Variants in PCDH15 observed in about 807,000 individuals in gnomAD.
PCDH15 encodes the protein protocadherin-15.
Under a neutral mutation model 178.5 loss-of-function variants are expected in PCDH15, and 129 were observed. The observed-to-expected ratio is 0.72, with a 90% CI of 0.63 to 0.84. The LOEUF (loss-of-function observed/expected upper bound fraction) is 0.84. Among genes scored for constraint, PCDH15 ranks in the 40% least tolerant of loss-of-function variants. The probability of loss-of-function intolerance (pLI) is 0.00; values close to 1 mark genes in which losing one functional copy is unlikely to be tolerated. For missense variants in PCDH15, 2,230 were observed against 2,099.9 expected (o/e 1.06, Z -1.21); for synonymous variants, 800 against 732.0 (o/e 1.09, Z -1.50).
intron 2 of PCDH15, among the ~76,000 whole-genome samples, chr10:55,459,703 G>A (rs1229782103): frequency 6.6e-6 from 1 of 151,990 alleles, no homozygotes; most frequent in Non-Finnish European, 1.5e-5. Context: ...TTGACTAGAA[G>A]GACTTAATGA....
intron 2 of PCDH15, among the ~76,000 whole-genome samples, chr10:55,522,121 A>G (rs977139367): frequency 3.9e-5 from 6 of 152,062 alleles, no homozygotes; most frequent in African/African-American, 1.4e-4. Context: ...AGGAACTTCC[A>G]TACTGTTTTC....
At chr10:54,206,889 C>A (rs1244195186) in intron 10 of PCDH15, among the ~76,000 whole-genome samples, 1 of 152,038 alleles carries the variant, frequency 6.6e-6, no homozygotes, top group Admixed American at 6.6e-5. Context: ...GTGGGGATTG[C>A]AGAGTGGGGA....
At chr10:54,860,557 G>A (rs1334848478) in intron 3 of PCDH15, among the ~76,000 whole-genome samples, 1 of 152,078 alleles carries the variant, frequency 6.6e-6, no homozygotes, top group Non-Finnish European at 1.5e-5. Context: ...CACCTCTGAT[G>A]GGCACCTGGA....
chr10:54,472,817 TGCACATA>T (rs1266307058), intron 3 of PCDH15, among the ~76,000 whole-genome samples: 1 of 152,058 alleles, frequency 6.6e-6, no homozygotes, highest in East Asian at 1.9e-4. Flanking sequence ...CAGACAGAGT[TGCACATA>T]GGTAGAGGCA....
At chr10:53,818,140 C>T (rs2076131164) in intron 33 of PCDH15, 127 bp from the exon 34 acceptor site, 1 of 391,372 alleles carries the variant, frequency 2.6e-6, no homozygotes, top group Non-Finnish European at 4.5e-6. Flanking sequence ...CTACTAAACA[C>T]TATCTCAGTG....
intron 2 of PCDH15, among the ~76,000 whole-genome samples, chr10:55,061,105 C>T (rs1265972047): frequency 6.6e-6 from 1 of 151,954 alleles, no homozygotes; most frequent in African/African-American, 2.4e-5. Context: ...ATTTTCTGTT[C>T]TCCATAAGAC....
chr10:55,624,443 C>T (rs1488310748), intron 2 of PCDH15, among the ~76,000 whole-genome samples: 1 of 151,574 alleles, frequency 6.6e-6, no homozygotes, highest in Non-Finnish European at 1.5e-5. Context: ...AGAAGCCACC[C>T]GACACTTTGA....
intron 9 of PCDH15, among the ~76,000 whole-genome samples, chr10:54,225,972 T>C (rs2053396829): frequency 6.6e-6 from 1 of 152,092 alleles, no homozygotes; most frequent in African/African-American, 2.4e-5. Flanking sequence ...CAGAGTTCTT[T>C]AGAGAAACAA....
chr10:54,826,923 G>A (rs1348407836), intron 3 of PCDH15, among the ~76,000 whole-genome samples: 1 of 151,936 alleles, frequency 6.6e-6, no homozygotes, highest in Non-Finnish European at 1.5e-5. Context: ...TTAGAATTTG[G>A]GACATGGCAC....
At chr10:53,856,890 G>A (rs2078782802) in intron 28 of PCDH15, among the ~76,000 whole-genome samples, 1 of 152,034 alleles carries the variant, frequency 6.6e-6, no homozygotes, top group African/African-American at 2.4e-5. Flanking sequence ...ATAAATGAGA[G>A]TCAACAATGG....
chr10:53,833,860 A>G (rs189627522), intron 29 of PCDH15, among the ~76,000 whole-genome samples: 9 of 152,012 alleles, frequency 5.9e-5, no homozygotes, highest in African/African-American at 2.2e-4. Flanking sequence ...CAATGGATAC[A>G]CTTCATGTTG....
chr10:55,014,267 A>G (rs535484196), intron 2 of PCDH15, among the ~76,000 whole-genome samples: 1 of 152,220 alleles, frequency 6.6e-6, no homozygotes, highest in African/African-American at 2.4e-5. Context: ...TGTTTAAAAG[A>G]AAAATAAACG....
At chr10:54,402,333 GT>G (rs1349707737) in intron 3 of PCDH15, among the ~76,000 whole-genome samples, 3 of 152,036 alleles carry the variant, frequency 2.0e-5, no homozygotes, top group African/African-American at 7.2e-5. Flanking sequence ...ATTCATCATG[GT>G]AGTTGGAATT....
intron 2 of PCDH15, among the ~76,000 whole-genome samples, chr10:55,458,085 T>A (rs963333172): frequency 1.3e-5 from 2 of 152,172 alleles, no homozygotes; most frequent in East Asian, 3.9e-4. Context: ...ATAAATCTTG[T>A]AGGATTCTGT....
rs2094144044 is a variant in PCDH15, at chr10:54,066,786, C to A, written c.2191G>T (p.Glu731Ter). The change falls in exon 18 of 38, where the codon GAA (glutamate) becomes TAA (stop). Residue 731 changes from glutamate (E) to a stop codon, truncating the protein, a stop_gained. Coordinates refer to ENST00000644397, the MANE Select transcript of PCDH15 (RefSeq NM_001384140.1). LOFTEE classifies it high-confidence loss of function. ...LPRNLSVVEE[E>*]ANAFVGQVKA... Reference sequence around the variant, plus strand: ...ACTTGACCCACAAAGGCATTGGCTTCTTCTTCCACCACAGATAAATTTCTT... The same window carrying A: ...ACTTGACCCACAAAGGCATTGGCTTATTCTTCCACCACAGATAAATTTCTT... 6.2e-7 allele frequency: 1 copy of A among 1,613,524 alleles called. No homozygotes were observed. The highest frequency in any genetic ancestry group is 1.3e-5 in the African/African-American group (1 of 75,016).
intron 2 of PCDH15, among the ~76,000 whole-genome samples, chr10:55,534,201 T>G (rs2132066876): frequency 6.6e-6 from 1 of 152,086 alleles, no homozygotes; most frequent in East Asian, 1.9e-4. Flanking sequence ...TAAAAGCAAT[T>G]GCAACAAAAA....
intron 2 of PCDH15, among the ~76,000 whole-genome samples, chr10:54,624,695 T>C (rs1209625376): frequency 6.6e-6 from 1 of 152,164 alleles, no homozygotes; most frequent in Non-Finnish European, 1.5e-5. Flanking sequence ...TTACAGTGGC[T>C]CCCCATCACT....
intron 2 of PCDH15, chr10:54,600,137 A>C: frequency 1.3e-6 from 1 of 772,140 alleles, no homozygotes; most frequent in Non-Finnish European, 2.2e-6. Context: ...GAGAAGAAGA[A>C]AGCTGAGTCC....
intron 2 of PCDH15, among the ~76,000 whole-genome samples, chr10:54,599,182 A>G (rs1390720079): frequency 1.3e-5 from 2 of 152,100 alleles, no homozygotes; most frequent in African/African-American, 2.4e-5. Flanking sequence ...AACCAAAAAC[A>G]TAGCCCAAAT....
Sources: gnomAD v4.1 joint callset for allele counts (sites outside exome capture counted in the v4.1 genomes callset) on GRCh38, gnomAD v4.1.1 for gene constraint, MANE v1.5 for transcripts, NCBI Gene and HGNC (gene_info 2026-07-23, HGNC 2026-07-21) for gene names.